SMARCA4: variants seen among roughly 807,000 people sequenced by gnomAD.
SMARCA4 encodes SWI/SNF related BAF chromatin remodeling complex subunit ATPase 4, also known as SWI/SNF-related matrix-associated actin-dependent regulator of chromatin subfamily A member 4.
A neutral mutation model predicts 193.9 loss-of-function variants in SMARCA4; 31 were observed. The observed-to-expected ratio is 0.16, with a 90% CI of 0.12 to 0.22. SMARCA4 has a LOEUF of 0.22. Among genes scored for constraint, SMARCA4 ranks in the 10% least tolerant of loss-of-function variants. The pLI, the probability that SMARCA4 is intolerant of heterozygous loss-of-function variation, is 1.00. For synonymous variants in SMARCA4, 942 were observed against 933.1 expected (o/e 1.01, Z -0.17); for missense variants, 1,148 against 2,296.0 (o/e 0.50, Z 10.22).
chr19:11,014,085 A>C (rs2089131717), intron 16 of SMARCA4, among the ~76,000 whole-genome samples: 1 of 152,116 alleles, frequency 6.6e-6, no homozygotes, highest in Non-Finnish European at 1.5e-5. Context: ...GTCTGGTCTG[A>C]TTGGGCAAAC....
At chr19:11,009,260 T>TCTAC (rs1173825739) in intron 14 of SMARCA4, among the ~76,000 whole-genome samples, 3 of 151,764 alleles carry the variant, frequency 2.0e-5, no homozygotes, top group Non-Finnish European at 2.9e-5. Flanking sequence ...GACCTCATGA[T>TCTAC]CTACCCACTT....
At chr19:11,009,224 G>A (rs1192126910) in intron 14 of SMARCA4, among the ~76,000 whole-genome samples, 2 of 151,644 alleles carry the variant, frequency 1.3e-5, no homozygotes, top group African/African-American at 4.8e-5. Flanking sequence ...GTTTCACCAT[G>A]TTGGCCAGGA....
chr19:10,968,705 G>GA (rs2084433119), intron 1 of SMARCA4, among the ~76,000 whole-genome samples: 1 of 152,170 alleles, frequency 6.6e-6, no homozygotes. Flanking sequence ...AGTGGCTCAG[G>GA]AAGCAGGTGG....
rs371214843 is a variant in SMARCA4, at chr19:10,987,769, C to T, written c.963C>T (p.Ala321=). 1.8e-5 allele frequency: 29 copies of T among 1,598,372 alleles called. No homozygotes were observed. The highest frequency in any genetic ancestry group is 8.9e-5 in the South Asian group (8 of 89,582). ...CCGCGCCCCCTGCCGTCCCACCCGC[C>T]GCCTCGCCCGTGATGCCACCGCAGA... ...PSPAPPAVPP[A]ASPVMPPQTQ... Residue 321 remains alanine, a synonymous_variant, in exon 6 of 35, where the codon GCC becomes GCT. Transcript: ENST00000344626. This position sits in a 1 kb window ranked among gnomAD's most constrained non-coding sequence, Gnocchi z 5.3.
At chr19:10,995,489 T>C (rs573590150) in intron 9 of SMARCA4, 8 of 456,672 alleles carry the variant, frequency 1.8e-5, no homozygotes, top group African/African-American at 1.6e-4. Flanking sequence ...GAGTAGTGGA[T>C]GGTGACCGCT....
intron 34 of SMARCA4, among the ~76,000 whole-genome samples, chr19:11,061,188 T>TAAA (rs140377414): frequency 7.3e-5 from 5 of 68,858 alleles, no homozygotes; most frequent in African/African-American, 3.3e-4. Flanking sequence ...ACCCTGTCTT[T>TAAA]AAAAAAAAAA....
At chr19:11,008,546 T>G (rs1329364503) in intron 14 of SMARCA4, among the ~76,000 whole-genome samples, 1 of 152,242 alleles carries the variant, frequency 6.6e-6, no homozygotes, top group East Asian at 1.9e-4. Context: ...TCACGTTATA[T>G]TCTCATTTTC....
intron 11 of SMARCA4, among the ~76,000 whole-genome samples, chr19:10,997,122 CAATT>C (rs1409288727): frequency 4.6e-5 from 7 of 152,006 alleles, no homozygotes; most frequent in African/African-American, 1.7e-4. Flanking sequence ...CGAGTTCAAT[CAATT>C]GTCCTGCCTC....
At chr19:11,052,964 G>A (rs1480227744) in intron 30 of SMARCA4, among the ~76,000 whole-genome samples, 3 of 152,196 alleles carry the variant, frequency 2.0e-5, no homozygotes, top group Non-Finnish European at 4.4e-5. Flanking sequence ...GCACAGGCAC[G>A]TGAGACAGGA....
rs2145797091 is a variant in SMARCA4 at position 10,986,962 on chromosome 19, C to T, written c.818C>T (p.Pro273Leu). ...CCCTCGGGCGTGCCCCCCGGGATGCCAGGCCAGCCTCCTGGAGGGCCTCCC... is the reference window on the plus strand; with the variant it reads ...CCCTCGGGCGTGCCCCCCGGGATGCTAGGCCAGCCTCCTGGAGGGCCTCCC... ...PGPSGVPPGM[P>L]GQPPGGPPKP... is the part of the protein sequence containing the mutation. Residue 273 changes from proline (P) to leucine (L), a missense_variant, in exon 5 of 35, where the codon CCA (proline) becomes CTA (leucine). Around this residue, in one of 17 missense-constraint regions of SMARCA4, gnomAD observed 257 missense variants for 276.5 expected, o/e 0.93. Transcript: ENST00000344626. This position sits in a 1 kb window ranked among gnomAD's most constrained non-coding sequence, Gnocchi z 6.7. The T allele has an allele frequency of 6.2e-7, 1 of 1,609,834 alleles. No individual in the cohort carries two copies. The highest frequency in any genetic ancestry group is 8.5e-7 in the Non-Finnish European group (1 of 1,179,914).
intron 34 of SMARCA4, among the ~76,000 whole-genome samples, chr19:11,061,127 G>A (rs958714432): frequency 6.7e-6 from 1 of 148,806 alleles, no homozygotes; most frequent in Admixed American, 6.8e-5. Flanking sequence ...GGTCGAGGCT[G>A]CAGTGAGCCG....
chr19:10,979,558 G>A (rs1240228636), intron 1 of SMARCA4, among the ~76,000 whole-genome samples: 1 of 151,402 alleles, frequency 6.6e-6, no homozygotes, highest in Non-Finnish European at 1.5e-5. Flanking sequence ...GTAGAGACAG[G>A]GTCTTGCTAT....
At chr19:10,972,986 G>A (rs1219121648) in intron 1 of SMARCA4, among the ~76,000 whole-genome samples, 1 of 152,122 alleles carries the variant, frequency 6.6e-6, no homozygotes. Flanking sequence ...GTGTGCGCCT[G>A]TAGTTCCAGC....
chr19:10,973,285 G>A (rs2145557972), intron 1 of SMARCA4, among the ~76,000 whole-genome samples: 1 of 152,304 alleles, frequency 6.6e-6, no homozygotes, highest in Admixed American at 6.5e-5. Context: ...AGCTAGGATA[G>A]CATTTGCAGG....
intron 30 of SMARCA4, among the ~76,000 whole-genome samples, chr19:11,055,023 G>A (rs1313659271): frequency 6.6e-6 from 1 of 152,186 alleles, no homozygotes; most frequent in East Asian, 1.9e-4. Flanking sequence ...GGTGAGGGAG[G>A]CTCTCAGCAC....
Position 11,019,303 on chromosome 19 carries a change from G to C in SMARCA4, c.2505+280G>C. The C allele has an allele frequency of 1.7e-6, 1 of 605,740 alleles. No homozygotes were observed. The highest frequency in any genetic ancestry group is 2.9e-6 in the Non-Finnish European group (1 of 339,396). The allele number at this position is 605,740 out of a possible 1,614,324, so 37.5% of individuals were successfully genotyped here. A position where few individuals can be genotyped will look rare whatever the true frequency, so the allele number is the denominator to read the frequency against. ...CTGAGATGGGGACCCAGGAAGAGGG[G>C]AGCCTGTCAGCCACCAGGAATGTGC... On this transcript the variant is annotated intron_variant, in intron 17 of 34. Transcript: ENST00000344626. The surrounding 1 kb of genome is among the most constrained non-coding windows in gnomAD (Gnocchi z 6.1).
intron 20 of SMARCA4, 130 bp downstream of exon 20, chr19:11,023,761 A>T (rs1466678493): frequency 1.4e-6 from 1 of 711,052 alleles, no homozygotes; most frequent in Non-Finnish European, 2.6e-6. Flanking sequence ...GGGGGTGGCG[A>T]TGACGCCACT....
At chr19:11,020,290 A>G (rs935181102) in intron 18 of SMARCA4, among the ~76,000 whole-genome samples, 7 of 152,170 alleles carry the variant, frequency 4.6e-5, no homozygotes, top group Non-Finnish European at 1.0e-4. Context: ...GATAGAAAAC[A>G]GACATAGCCC....
At chr19:11,000,488 C>G (rs1458724137) in intron 11 of SMARCA4, among the ~76,000 whole-genome samples, 1 of 152,050 alleles carries the variant, frequency 6.6e-6, no homozygotes, top group Non-Finnish European at 1.5e-5. Context: ...GTTTGTACCA[C>G]TGCATTCCAG....
Sources: gnomAD v4.1 joint callset for allele counts (sites outside exome capture counted in the v4.1 genomes callset) on GRCh38, gnomAD v4.1.1 for gene constraint, gnomAD v4.1.1 regional missense constraint, Gnocchi (gnomAD v3.1) non-coding constraint, MANE v1.5 for transcripts, NCBI Gene and HGNC (gene_info 2026-07-23, HGNC 2026-07-21) for gene names.